BTBD9: variants seen among roughly 807,000 people sequenced by gnomAD.
BTBD9 encodes the protein BTB/POZ domain-containing protein 9.
In BTBD9, 49 loss-of-function variants were observed where a neutral mutation model predicts 64.3. That is an observed-to-expected ratio of 0.76 (90% confidence interval 0.61 to 0.97). The LOEUF (loss-of-function observed/expected upper bound fraction) is 0.97. Among genes scored for constraint, BTBD9 ranks in the 50% least tolerant of loss-of-function variants. The pLI is 0.00. For synonymous variants in BTBD9, 260 were observed against 274.7 expected, an observed-to-expected ratio of 0.95 and a Z score of 0.53; for missense variants, 598 against 762.1, an observed-to-expected ratio of 0.78 and a Z score of 2.53.
In BTBD9 at chr6:38,184,400, T is replaced by G. The variant is rs1022742195; in HGVS notation, c.1641+8119A>C. On this transcript the variant is annotated intron_variant, in intron 10 of 10. Transcript: ENST00000481247. This position sits in a 1 kb window ranked among gnomAD's most constrained non-coding sequence, Gnocchi z 4.4. ...CATTATTTCTATTCCCAAGCAGGTT[T>G]TCTTTGTGGGCATCCATTTCCAGTT... 1.3e-5 allele frequency among the ~76,000 whole-genome samples: 2 copies of G among 152,254 alleles called. No individual in the cohort carries two copies. The highest frequency in any genetic ancestry group is 4.8e-5 in the African/African-American group (2 of 41,480).
intron 9 of BTBD9, among the ~76,000 whole-genome samples, chr6:38,202,960 G>C (rs1762516147): frequency 6.6e-6 from 1 of 152,016 alleles, no homozygotes; most frequent in African/African-American, 2.4e-5. Context: ...CATCTAACAA[G>C]GGACTAATAT....
In BTBD9 at chr6:38,169,647, C is replaced by A. The variant is rs1199881183; in HGVS notation, c.*5338G>T. On this transcript the variant is annotated 3_prime_UTR_variant, in exon 11 of 11. Transcript: ENST00000481247. ...CCACTGGCTTTCAAAGGCGGCACTC[C>A]TCAGCTGTCACAGCCGCAGTGACAG... 1 of 152,238 alleles carries A rather than the reference C, an allele frequency of 6.6e-6. No homozygotes were observed. The highest frequency in any genetic ancestry group is 2.4e-5 in the African/African-American group (1 of 41,444). The allele number at this position is 152,238 out of a possible 1,614,324, so 9.4% of individuals were successfully genotyped here.
chr6:38,533,220 A>G (rs1333967171), intron 6 of BTBD9, among the ~76,000 whole-genome samples: 4 of 152,186 alleles, frequency 2.6e-5, no homozygotes, highest in Admixed American at 6.5e-5. Flanking sequence ...GGATGGAAAA[A>G]GACATTCCAT....
At chr6:38,531,682 G>A (rs1384547310) in intron 6 of BTBD9, among the ~76,000 whole-genome samples, 2 of 152,100 alleles carry the variant, frequency 1.3e-5, no homozygotes, top group African/African-American at 2.4e-5. Context: ...ACAGCAAAAA[G>A]TTTTAAAAAA....
intron 6 of BTBD9, among the ~76,000 whole-genome samples, chr6:38,499,243 A>G (rs1169575758): frequency 6.6e-6 from 1 of 152,066 alleles, no homozygotes. Flanking sequence ...CTGCAGTCTC[A>G]GAAAACACTG....
chr6:38,638,558 T>C (rs548126955), intron 1 of BTBD9, among the ~76,000 whole-genome samples: 89 of 152,234 alleles, frequency 5.8e-4, no homozygotes, highest in Non-Finnish European at 1.2e-3. Flanking sequence ...TCCTAAAAGC[T>C]ATTACAGTGG....
At chr6:38,320,184 T>C (rs1209337457) in intron 7 of BTBD9, among the ~76,000 whole-genome samples, 1 of 152,202 alleles carries the variant, frequency 6.6e-6, no homozygotes, top group Non-Finnish European at 1.5e-5. Context: ...CTGTCATTCC[T>C]ATCCTTTTCA....
chr6:38,447,877 A>G (rs1769348092), intron 6 of BTBD9, among the ~76,000 whole-genome samples: 1 of 152,236 alleles, frequency 6.6e-6, no homozygotes, highest in South Asian at 2.1e-4. Flanking sequence ...GGATACAAAA[A>G]GTAAATTAAA....
Position 38,235,287 on chromosome 6 carries a change from C to G in BTBD9, c.1562+21122G>C, listed in dbSNP as rs543025601. Among the ~76,000 whole-genome samples the G allele has an allele frequency of 5.6e-4, 86 of 152,290 alleles. 1 individual carries two copies. In the South Asian group the frequency reaches 7.9e-3, roughly 14 times the overall value. ...TTCCTGCAGGTAGACACTGCATTTTCTTATCAGTAAAATGGGAGTCTTGAG... is the reference window on the plus strand; with the variant it reads ...TTCCTGCAGGTAGACACTGCATTTTGTTATCAGTAAAATGGGAGTCTTGAG... On this transcript the variant is annotated intron_variant, in intron 9 of 10. Transcript: ENST00000481247.
intron 6 of BTBD9, among the ~76,000 whole-genome samples, chr6:38,518,573 TTATA>T (rs1773143238): frequency 6.6e-6 from 1 of 152,224 alleles, no homozygotes; most frequent in Non-Finnish European, 1.5e-5. Context: ...AGCACAAAGC[TTATA>T]TAATGATGGC....
intron 10 of BTBD9, among the ~76,000 whole-genome samples, chr6:38,183,224 G>A (rs770430055): frequency 5.9e-5 from 9 of 152,244 alleles, no homozygotes; most frequent in East Asian, 5.8e-4. Context: ...TGATCTGCCC[G>A]CCTCGGCCTC....
intron 9 of BTBD9, among the ~76,000 whole-genome samples, chr6:38,198,700 C>T (rs757790374): frequency 2.0e-5 from 3 of 152,186 alleles, no homozygotes; most frequent in Non-Finnish European, 4.4e-5. Context: ...TGGCTAGGGC[C>T]AGACTGGCAA....
chr6:38,585,888 C>A (rs1776493142), intron 4 of BTBD9, among the ~76,000 whole-genome samples: 1 of 151,786 alleles, frequency 6.6e-6, no homozygotes, highest in Non-Finnish European at 1.5e-5. Flanking sequence ...GTTGCAAGCT[C>A]CCTCAGTCTG....
At chr6:38,487,780 T>C (rs959975118) in intron 6 of BTBD9, among the ~76,000 whole-genome samples, 7 of 152,192 alleles carry the variant, frequency 4.6e-5, no homozygotes, top group African/African-American at 1.7e-4. Flanking sequence ...CTTTAAGGTT[T>C]TGAACAGAGA....
At chr6:38,398,018 C>T (rs998404578) in intron 6 of BTBD9, among the ~76,000 whole-genome samples, 2 of 152,138 alleles carry the variant, frequency 1.3e-5, no homozygotes, top group East Asian at 3.9e-4. Context: ...ACAGAGTGGG[C>T]AGATCATGAA....
chr6:38,197,969 G>C (rs1298222159), intron 9 of BTBD9, among the ~76,000 whole-genome samples: 1 of 152,210 alleles, frequency 6.6e-6, no homozygotes, highest in Non-Finnish European at 1.5e-5. Context: ...GACTGGGACT[G>C]CTGATGGGGA....
chr6:38,401,639 A>G (rs1327997498), intron 6 of BTBD9, among the ~76,000 whole-genome samples: 1 of 152,184 alleles, frequency 6.6e-6, no homozygotes, highest in African/African-American at 2.4e-5. Flanking sequence ...TGCTTAATCT[A>G]TTGTCTAGGT....
chr6:38,290,629 T>C (rs1197301634), intron 7 of BTBD9, among the ~76,000 whole-genome samples: 1 of 152,198 alleles, frequency 6.6e-6, no homozygotes, highest in East Asian at 1.9e-4. Flanking sequence ...GGCTTCATAC[T>C]GACATGTGCT....
At chr6:38,416,501 A>ATTT (rs70981549) in intron 6 of BTBD9, among the ~76,000 whole-genome samples, 1 of 86,760 alleles carries the variant, frequency 1.2e-5, no homozygotes, top group Non-Finnish European at 2.2e-5. Flanking sequence ...TGCCCAGCTA[A>ATTT]TTTTTTTTTT....
Sources: allele counts gnomAD v4.1 joint callset (sites outside exome capture counted in the v4.1 genomes callset), GRCh38; gene constraint gnomAD v4.1.1; non-coding constraint Gnocchi (gnomAD v3.1); transcripts MANE v1.5; gene names NCBI Gene and HGNC (gene_info 2026-07-23, HGNC 2026-07-21).